Variants in STK3 observed in about 807,000 individuals in gnomAD.
STK3 encodes serine/threonine-protein kinase 3.
STK3 carries 41 observed loss-of-function variants against 58.0 expected under a neutral mutation model. The observed-to-expected ratio is 0.71, with a 90% confidence interval of 0.55 to 0.92. STK3 has a LOEUF of 0.92. STK3 is among the 40% of genes least tolerant of loss of function. The probability of loss-of-function intolerance (pLI) is 0.00; values close to 1 mark genes in which losing one functional copy is unlikely to be tolerated. For synonymous variants in STK3, 170 were observed against 191.0 expected (o/e 0.89, Z 0.91); for missense variants, 479 against 602.7 (o/e 0.79, Z 2.15).
chr8:98,660,828 C>T (rs530008469), intron 6 of STK3, among the ~76,000 whole-genome samples: 28 of 152,154 alleles, frequency 1.8e-4, no homozygotes, highest in Admixed American at 1.7e-3. Context: ...TTCACTTTCC[C>T]ATCATCACTG....
At chr8:98,778,198 C>A (rs1563990709) in intron 1 of STK3, among the ~76,000 whole-genome samples, 2 of 152,272 alleles carry the variant, frequency 1.3e-5, no homozygotes, top group East Asian at 1.9e-4. Flanking sequence ...AAACAAACAA[C>A]CCCATCAAAA....
At chr8:98,823,084 A>G (rs916107166) in intron 1 of STK3, among the ~76,000 whole-genome samples, 33 of 152,232 alleles carry the variant, frequency 2.2e-4, no homozygotes, top group African/African-American at 7.5e-4. Flanking sequence ...AGGGTCATAA[A>G]ACCATGGAAT....
intron 4 of STK3, among the ~76,000 whole-genome samples, chr8:98,712,855 C>G (rs2131122005): frequency 6.6e-6 from 1 of 152,244 alleles, no homozygotes; most frequent in East Asian, 1.9e-4. Context: ...CACACCACAC[C>G]TATTACAAAA....
At chr8:98,588,585 G>C (rs1205437368) in intron 7 of STK3, among the ~76,000 whole-genome samples, 1 of 152,146 alleles carries the variant, frequency 6.6e-6, no homozygotes, top group Non-Finnish European at 1.5e-5. Flanking sequence ...TCTTGGAGTT[G>C]CTTTCTCGAG....
At chr8:98,723,663 C>T (rs913966634) in intron 4 of STK3, among the ~76,000 whole-genome samples, 19 of 152,164 alleles carry the variant, frequency 1.2e-4, no homozygotes, top group African/African-American at 3.6e-4. Flanking sequence ...TATAAAATGA[C>T]GCATTAATTC....
At chr8:98,719,836 T>C (rs1381587857) in intron 4 of STK3, among the ~76,000 whole-genome samples, 2 of 152,206 alleles carry the variant, frequency 1.3e-5, no homozygotes, top group African/African-American at 2.4e-5. Context: ...ATAACCTGAA[T>C]TTGGCTCTGA....
chr8:98,748,748 A>C (rs1288398568), intron 4 of STK3, among the ~76,000 whole-genome samples: 1 of 152,016 alleles, frequency 6.6e-6, no homozygotes, highest in East Asian at 1.9e-4. Context: ...TTATTAAACA[A>C]TACATTTCAC....
chr8:98,863,921 G>A (rs1455109264), intron 3 of STK3, among the ~76,000 whole-genome samples: 1 of 152,072 alleles, frequency 6.6e-6, no homozygotes. Flanking sequence ...ATCAGGACGG[G>A]CGCGGTGGCT....
At chr8:98,827,936 C>G (rs1203533861), upstream of STK3, among the ~76,000 whole-genome samples, 1 of 151,876 alleles carries the variant, frequency 6.6e-6, no homozygotes, top group Non-Finnish European at 1.5e-5. Context: ...TGAAATTACT[C>G]CACTCTAACC....
intron 9 of STK3, among the ~76,000 whole-genome samples, chr8:98,537,395 C>T (rs1275836674): frequency 6.6e-6 from 1 of 152,060 alleles, no homozygotes; most frequent in Non-Finnish European, 1.5e-5. Flanking sequence ...TTTAACTACA[C>T]AATATGAAAC....
chr8:98,801,633 A>T (rs945953584), intron 1 of STK3, among the ~76,000 whole-genome samples: 1 of 151,934 alleles, frequency 6.6e-6, no homozygotes, highest in African/African-American at 2.4e-5. Context: ...CCACGAACCC[A>T]CCAGAAGGAA....
chr8:98,886,401 T>A (rs1837992422), intron 1 of STK3, among the ~76,000 whole-genome samples: 1 of 152,240 alleles, frequency 6.6e-6, no homozygotes, highest in Admixed American at 6.5e-5. Context: ...AAATCTGAAA[T>A]TTATTAAAAC....
intron 4 of STK3, among the ~76,000 whole-genome samples, chr8:98,737,582 G>A (rs1304949553): frequency 6.6e-6 from 1 of 152,140 alleles, no homozygotes; most frequent in Non-Finnish European, 1.5e-5. Flanking sequence ...AAATATATGA[G>A]ATACAGCATT....
At chr8:98,915,432 C>CTATATATATATA (rs56187203) in intron 1 of STK3, among the ~76,000 whole-genome samples, 2,052 of 93,914 alleles carry the variant, frequency 0.022, 84 homozygotes, top group African/African-American at 0.027. Flanking sequence ...ATAAACTTTC[C>CTATATATATATA]TATATATATA....
intron 3 of STK3, among the ~76,000 whole-genome samples, chr8:98,862,837 G>T (rs1337655164): frequency 6.6e-6 from 1 of 152,210 alleles, no homozygotes; most frequent in African/African-American, 2.4e-5. Context: ...GGACTTAATT[G>T]GATGAAGTGA....
At chr8:98,630,504 G>C (rs188193703) in intron 6 of STK3, among the ~76,000 whole-genome samples, 99 of 152,154 alleles carry the variant, frequency 6.5e-4, no homozygotes, top group Middle Eastern at 3.4e-3. Context: ...ATTAGCAGGG[G>C]TGGTGGCACA....
At position 98,750,856 on chromosome 8, in the gene STK3, A is replaced by C. The variant is rs891872530; in HGVS notation, c.237-1466T>G. On this transcript the variant is annotated intron_variant, in intron 3 of 10. Transcript: ENST00000419617. The stretch of plus-strand genomic sequence containing the variant: ...AACATTGATGCAAAAGTCGTCAACA[A>C]AACATTAGCAAACCAAATCCAGTGG... Among the ~76,000 whole-genome samples, 6 of 152,352 alleles carry C rather than the reference A, an allele frequency of 3.9e-5. No homozygotes were observed. The South Asian group carries it at 1.2e-3, about 32-fold the overall frequency.
intron 6 of STK3, among the ~76,000 whole-genome samples, chr8:98,656,816 T>G (rs1821577469): frequency 6.6e-6 from 1 of 152,128 alleles, no homozygotes; most frequent in African/African-American, 2.4e-5. Context: ...TCTGATTCAT[T>G]TGCTGTTTGG....
intron 1 of STK3, among the ~76,000 whole-genome samples, chr8:98,920,498 A>T (rs1384756119): frequency 6.6e-6 from 1 of 152,178 alleles, no homozygotes; most frequent in Non-Finnish European, 1.5e-5. Context: ...GGCCCCTTTT[A>T]ACAGCTGCCA....
Sources: gnomAD v4.1 joint callset for allele counts (sites outside exome capture counted in the v4.1 genomes callset) on GRCh38, gnomAD v4.1.1 for gene constraint, MANE v1.5 for transcripts, NCBI Gene and HGNC (gene_info 2026-07-23, HGNC 2026-07-21) for gene names.